Variants in FHL2 observed in about 807,000 individuals in gnomAD.
FHL2 encodes four and a half LIM domains protein 2.
Under a neutral mutation model 32.7 loss-of-function variants are expected in FHL2, and 20 were observed. That is an observed-to-expected ratio of 0.61 (90% CI 0.43 to 0.89). FHL2 has a LOEUF of 0.89. Among genes scored for constraint, FHL2 ranks in the 40% least tolerant of loss-of-function variants. FHL2 has a pLI of 0.00. For synonymous variants in FHL2, 123 were observed against 128.1 expected (o/e 0.96, Z 0.27); for missense variants, 311 against 358.6 (o/e 0.87, Z 1.07).
Position 105,361,627 on chromosome 2 carries a change from T to C in FHL2, c.689-193A>G, listed in dbSNP as rs140806170. ...TGCACAGCCTGGAGGATCTCGTGAA[T>C]ATCAGAAGAGATATATAAACTGGTT... On this transcript the variant is annotated intron_variant, in intron 6 of 6. Transcript: ENST00000530340. Among the ~76,000 whole-genome samples the C allele has an allele frequency of 2.9e-3, 448 of 152,336 alleles. 2 individuals are homozygous for C. Among genetic ancestry groups the C allele is most frequent in the Non-Finnish European group, 5.3e-3 (359 of 68,034 alleles).
intron 2 of FHL2, among the ~76,000 whole-genome samples, chr2:105,393,920 A>C (rs1227866526): frequency 2.0e-5 from 3 of 152,188 alleles, no homozygotes; most frequent in African/African-American, 7.2e-5. Context: ...TCCAGGATGC[A>C]GCCTGGCCAG....
At chr2:105,434,249 T>C (rs1205608611) in intron 1 of FHL2, among the ~76,000 whole-genome samples, 1 of 152,254 alleles carries the variant, frequency 6.6e-6, no homozygotes, top group Non-Finnish European at 1.5e-5. Context: ...AATTGAAGTC[T>C]AATGCCAACT....
At chr2:105,399,272 C>G, upstream of FHL2, 1 of 1,535,794 alleles carries the variant, frequency 6.5e-7, no homozygotes, top group Non-Finnish European at 8.7e-7. Context: ...CTTGGGAGCA[C>G]AGTAGTTATC....
At chr2:105,432,006 T>C (rs1295953818) in intron 1 of FHL2, among the ~76,000 whole-genome samples, 1 of 152,236 alleles carries the variant, frequency 6.6e-6, no homozygotes, top group East Asian at 1.9e-4. Flanking sequence ...TACCCAACTT[T>C]CATTATTCAA....
At chr2:105,379,152 A>G (rs1681698579) in intron 3 of FHL2, among the ~76,000 whole-genome samples, 2 of 152,150 alleles carry the variant, frequency 1.3e-5, no homozygotes, top group South Asian at 4.1e-4. Flanking sequence ...CACGTACATC[A>G]CCATTGGGAA....
intron 2 of FHL2, among the ~76,000 whole-genome samples, chr2:105,387,599 C>T (rs1682415115): frequency 6.6e-6 from 1 of 152,204 alleles, no homozygotes; most frequent in African/African-American, 2.4e-5. Flanking sequence ...GCCCTTCCAA[C>T]AGGAACAGGA....
intron 5 of FHL2, 123 bp downstream of exon 5, chr2:105,367,447 G>T: frequency 1.0e-6 from 1 of 973,184 alleles, no homozygotes; most frequent in Non-Finnish European, 1.5e-6. Context: ...GGCAGGACAG[G>T]CACAGCTCCC....
At chr2:105,374,941 G>A (rs1220331808) in intron 3 of FHL2, among the ~76,000 whole-genome samples, 1 of 152,202 alleles carries the variant, frequency 6.6e-6, no homozygotes, top group Non-Finnish European at 1.5e-5. Flanking sequence ...ACAGGGCACA[G>A]GAGGGCTGTT....
intron 2 of FHL2, among the ~76,000 whole-genome samples, chr2:105,395,732 C>T (rs1391527651): frequency 6.6e-6 from 1 of 152,240 alleles, no homozygotes; most frequent in Non-Finnish European, 1.5e-5. Flanking sequence ...ACTGCAAGGA[C>T]ATTCTGGCAT....
chr2:105,384,009 A>G (rs556305781), intron 3 of FHL2, among the ~76,000 whole-genome samples: 1 of 152,220 alleles, frequency 6.6e-6, no homozygotes, highest in Non-Finnish European at 1.5e-5. Flanking sequence ...ACTCTTGTTT[A>G]TTTGCTCATA....
chr2:105,377,854 C>A, intron 3 of FHL2: 7 of 357,670 alleles, frequency 2.0e-5, no homozygotes, highest in South Asian at 8.7e-5. Context: ...TCCTTGGCCT[C>A]TCTCTGGGAA....
intron 2 of FHL2, among the ~76,000 whole-genome samples, chr2:105,391,952 G>A (rs1682767064): frequency 6.6e-6 from 1 of 152,164 alleles, no homozygotes; most frequent in Admixed American, 6.5e-5. Context: ...CCAAATCACA[G>A]TTTCCTGGAG....
In FHL2 at chr2:105,386,459, T is replaced by G. The variant is rs1682325072; in HGVS notation, c.58A>C (p.Ile20Leu). The G allele has an allele frequency of 1.2e-6, 2 of 1,614,118 alleles. No homozygotes were observed. The highest frequency in any genetic ancestry group is 1.3e-5 in the African/African-American group (1 of 74,938). ...CNESLFGKKY[I>L]LREESPYCVV... is the part of the protein sequence containing the mutation. ...CAGTAGGGGCTCTCCTCCCGCAGGA[T>G]GTACTTCTTGCCAAAGAGAGATTCG... The change falls in exon 3 of 7, where the codon ATC (isoleucine) becomes CTC (leucine). Residue 20 changes from isoleucine to leucine, a missense_variant. Transcript: ENST00000530340.
intron 1 of FHL2, among the ~76,000 whole-genome samples, chr2:105,416,367 A>G (rs980540469): frequency 2.0e-5 from 3 of 152,234 alleles, no homozygotes; most frequent in Admixed American, 6.5e-5. Flanking sequence ...TCTGTGGAGT[A>G]TGTGGTTTTG....
At chr2:105,369,329 A>AAGCT (rs1235523697) in intron 4 of FHL2, among the ~76,000 whole-genome samples, 2 of 152,218 alleles carry the variant, frequency 1.3e-5, no homozygotes, top group Non-Finnish European at 2.9e-5. Flanking sequence ...CCCAAGGACA[A>AAGCT]AGCTAGGGGT....
At chr2:105,373,497 A>G (rs1419825093) in intron 4 of FHL2, 62 bp downstream of exon 4, 1 of 1,578,274 alleles carries the variant, frequency 6.3e-7, no homozygotes, top group African/African-American at 1.3e-5. Context: ...AGGGGGTCAG[A>G]GGAACGTGCA....
At chr2:105,380,982 C>G (rs145837719) in intron 3 of FHL2, among the ~76,000 whole-genome samples, 1 of 152,192 alleles carries the variant, frequency 6.6e-6, no homozygotes, top group East Asian at 1.9e-4. Flanking sequence ...CCGAATGTGT[C>G]CTTTTTGAGA....
intron 2 of FHL2, among the ~76,000 whole-genome samples, chr2:105,391,251 C>T (rs1248252096): frequency 6.6e-6 from 1 of 152,012 alleles, no homozygotes; most frequent in East Asian, 1.9e-4. Context: ...AATGCAGGCC[C>T]CTCCCCTCAA....
intron 1 of FHL2, among the ~76,000 whole-genome samples, chr2:105,422,477 AG>A (rs1684133383): frequency 2.6e-5 from 4 of 152,156 alleles, no homozygotes; most frequent in Non-Finnish European, 5.9e-5. Flanking sequence ...TTTTATTTAT[AG>A]TTTCCTCTTG....
Sources: allele counts gnomAD v4.1 joint callset (sites outside exome capture counted in the v4.1 genomes callset), GRCh38; gene constraint gnomAD v4.1.1; transcripts MANE v1.5; gene names NCBI Gene and HGNC (gene_info 2026-07-23, HGNC 2026-07-21).